PCDH9: variants seen among roughly 807,000 people sequenced by gnomAD.
PCDH9 encodes the protein protocadherin 9.
PCDH9 carries 24 observed loss-of-function variants against 70.6 expected under a neutral mutation model. The ratio of observed to expected loss-of-function variants is 0.34; its 90% CI spans 0.25 to 0.48. The LOEUF (loss-of-function observed/expected upper bound fraction) is 0.48. Among genes scored for constraint, PCDH9 ranks in the 20% least tolerant of loss-of-function variants. The pLI is 0.99. For synonymous variants in PCDH9, 562 were observed against 558.5 expected (o/e 1.01, Z -0.09); for missense variants, 1,281 against 1,503.6 (o/e 0.85, Z 2.45).
intron 3 of PCDH9, among the ~76,000 whole-genome samples, chr13:66,838,643 T>G (rs1566230955): frequency 6.6e-6 from 1 of 152,026 alleles, no homozygotes; most frequent in Non-Finnish European, 1.5e-5. Context: ...TAAAAACCCA[T>G]GTGAATGTTT....
intron 4 of PCDH9, among the ~76,000 whole-genome samples, chr13:66,356,268 C>T (rs577280751): frequency 4.9e-4 from 74 of 152,096 alleles, no homozygotes; most frequent in Admixed American, 4.9e-3. Flanking sequence ...TAAGCTTTTG[C>T]AGAATCCCTG....
intron 3 of PCDH9, among the ~76,000 whole-genome samples, chr13:66,754,114 GTA>G (rs1305140255): frequency 6.6e-6 from 1 of 151,850 alleles, no homozygotes; most frequent in African/African-American, 2.4e-5. Flanking sequence ...TAAGAGGTGT[GTA>G]TCAGGAACAG....
intron 2 of PCDH9, among the ~76,000 whole-genome samples, chr13:67,017,031 T>G (rs575292256): frequency 6.6e-6 from 1 of 152,270 alleles, no homozygotes; most frequent in South Asian, 2.1e-4. Flanking sequence ...CCTCCAATAG[T>G]TCTGAACTTA....
intron 2 of PCDH9, among the ~76,000 whole-genome samples, chr13:66,918,956 C>T (rs1184092429): frequency 6.6e-6 from 1 of 151,200 alleles, no homozygotes; most frequent in Non-Finnish European, 1.5e-5. Context: ...TTTGCTAACA[C>T]TTGACAAAAA....
intron 3 of PCDH9, among the ~76,000 whole-genome samples, chr13:66,666,331 G>A (rs1200131241): frequency 6.6e-6 from 1 of 152,192 alleles, no homozygotes; most frequent in African/African-American, 2.4e-5. Flanking sequence ...GGGCCAGATG[G>A]CATTCTGCTG....
At chr13:67,159,685 T>C (rs147819124) in intron 2 of PCDH9, among the ~76,000 whole-genome samples, 139 of 152,260 alleles carry the variant, frequency 9.1e-4, no homozygotes, top group African/African-American at 3.3e-3. Flanking sequence ...TGGTGAATGC[T>C]TTTTTGGCCT....
intron 4 of PCDH9, among the ~76,000 whole-genome samples, chr13:66,316,744 A>G (rs550903770): frequency 4.2e-4 from 64 of 152,070 alleles, no homozygotes; most frequent in African/African-American, 1.5e-3. Flanking sequence ...TCTTTTCGAG[A>G]CAGATTCTCA....
chr13:66,706,018 C>A (rs918216419), intron 3 of PCDH9, among the ~76,000 whole-genome samples: 10 of 152,050 alleles, frequency 6.6e-5, no homozygotes, highest in Non-Finnish European at 1.0e-4. Context: ...ACTTTGATTG[C>A]GGGAGTATAG....
chr13:66,556,868 C>G (rs1352704184), intron 4 of PCDH9, among the ~76,000 whole-genome samples: 2 of 151,972 alleles, frequency 1.3e-5, no homozygotes, highest in African/African-American at 2.4e-5. Context: ...CTAGATAGAA[C>G]AAAACCTAAG....
intron 2 of PCDH9, among the ~76,000 whole-genome samples, chr13:67,017,645 A>T (rs1479207972): frequency 6.6e-6 from 1 of 152,236 alleles, no homozygotes; most frequent in Admixed American, 6.5e-5. Flanking sequence ...TAGTATTTTT[A>T]GAACTTAATT....
intron 4 of PCDH9, among the ~76,000 whole-genome samples, chr13:66,502,192 A>AT (rs1345862602): frequency 6.6e-6 from 1 of 152,088 alleles, no homozygotes; most frequent in East Asian, 1.9e-4. Flanking sequence ...AAAGTAAAGT[A>AT]TTTTTTTCTG....
intron 3 of PCDH9, among the ~76,000 whole-genome samples, chr13:66,896,509 C>T (rs919837253): frequency 1.7e-4 from 26 of 152,016 alleles, no homozygotes; most frequent in African/African-American, 6.3e-4. Flanking sequence ...CATACATATG[C>T]AACCATATGC....
At position 66,340,781 on chromosome 13, in the gene PCDH9, C is replaced by T. The variant is rs137910130; in HGVS notation, c.3341-35753G>A. ...ATCGCCTACCTGTGTGATGATCCAA[C>T]GTATGACAAGTAGGTCATAGGTAAA... On this transcript the variant is annotated intron_variant, in intron 4 of 4. Coordinates refer to ENST00000377865, the MANE Select transcript of PCDH9 (RefSeq NM_203487.3). Among the ~76,000 whole-genome samples the T allele has an allele frequency of 9.0e-3, 1,377 of 152,284 alleles. 9 individuals are homozygous for T. Among genetic ancestry groups the T allele is most frequent in the Middle Eastern group, 0.031 (9 of 294 alleles).
chr13:67,045,372 C>G (rs1281738536), intron 2 of PCDH9, among the ~76,000 whole-genome samples: 1 of 152,068 alleles, frequency 6.6e-6, no homozygotes, highest in East Asian at 1.9e-4. Context: ...AGTCCTTTCT[C>G]TTTTCCATCA....
chr13:66,551,104 C>T (rs1961466938), intron 4 of PCDH9, among the ~76,000 whole-genome samples: 1 of 152,022 alleles, frequency 6.6e-6, no homozygotes, highest in Non-Finnish European at 1.5e-5. Context: ...TCTAAGGGAA[C>T]CAGAGCTTTT....
chr13:66,824,384 G>A (rs1451711803), intron 3 of PCDH9, among the ~76,000 whole-genome samples: 1 of 146,558 alleles, frequency 6.8e-6, no homozygotes, highest in East Asian at 2.0e-4. Flanking sequence ...GGCCCAGCGC[G>A]GTGGCTCATG....
intron 3 of PCDH9, among the ~76,000 whole-genome samples, chr13:66,824,794 T>C (rs1444854959): frequency 6.6e-6 from 1 of 150,510 alleles, no homozygotes; most frequent in Non-Finnish European, 1.5e-5. Context: ...TAAAATTCAA[T>C]TTTCAACTCA....
intron 3 of PCDH9, among the ~76,000 whole-genome samples, chr13:66,887,720 T>C (rs1337401651): frequency 2.0e-5 from 3 of 152,250 alleles, no homozygotes; most frequent in Non-Finnish European, 4.4e-5. Context: ...CTTCCATTCA[T>C]ATCTTTATTT....
At chr13:66,408,197 T>G (rs2138315235) in intron 4 of PCDH9, among the ~76,000 whole-genome samples, 1 of 152,174 alleles carries the variant, frequency 6.6e-6, no homozygotes, top group East Asian at 1.9e-4. Context: ...TAGCTGGGAC[T>G]ACAGGCGCCC....
Sources: allele counts gnomAD v4.1 joint callset (sites outside exome capture counted in the v4.1 genomes callset), GRCh38; gene constraint gnomAD v4.1.1; transcripts MANE v1.5; gene names NCBI Gene and HGNC (gene_info 2026-07-23, HGNC 2026-07-21).